FAM227B: variants seen among roughly 807,000 people sequenced by gnomAD.
FAM227B encodes family with sequence similarity 227 member B.
Under a neutral mutation model 73.8 loss-of-function variants are expected in FAM227B, and 88 were observed. The observed-to-expected ratio is 1.19, with a 90% confidence interval of 1.00 to 1.42. The LOEUF (loss-of-function observed/expected upper bound fraction) is 1.42, where lower values mean the gene tolerates loss of function less well. Among genes scored for constraint, FAM227B ranks in the 40% most tolerant of loss-of-function variants. FAM227B has a pLI of 0.00. For synonymous variants in FAM227B, 210 were observed against 190.5 expected (o/e 1.10, Z -0.84); for missense variants, 632 against 590.9 (o/e 1.07, Z -0.72).
intron 13 of FAM227B, among the ~76,000 whole-genome samples, chr15:49,355,302 A>T (rs1230872500): frequency 6.6e-6 from 1 of 152,190 alleles, no homozygotes; most frequent in Non-Finnish European, 1.5e-5. Flanking sequence ...GAGCTACGGG[A>T]GGACATTCAA....
intron 13 of FAM227B, among the ~76,000 whole-genome samples, chr15:49,350,198 A>G (rs1396090899): frequency 6.6e-6 from 1 of 152,208 alleles, no homozygotes; most frequent in Non-Finnish European, 1.5e-5. Context: ...AATGTCTGAC[A>G]TTTGCATTGT....
intron 11 of FAM227B, among the ~76,000 whole-genome samples, chr15:49,400,705 C>A (rs1293933337): frequency 6.7e-6 from 1 of 149,936 alleles, no homozygotes; most frequent in African/African-American, 2.5e-5. Context: ...CACATATCTA[C>A]AACCATCTGA....
intron 11 of FAM227B, chr15:49,484,606 C>G (rs1330207256): frequency 3.7e-6 from 2 of 544,534 alleles, no homozygotes; most frequent in African/African-American, 4.0e-5. Context: ...TTTTAGTAAT[C>G]AAGAAAGGCT....
At chr15:49,350,400 A>T (rs1399112473) in intron 13 of FAM227B, among the ~76,000 whole-genome samples, 1 of 152,158 alleles carries the variant, frequency 6.6e-6, no homozygotes, top group Admixed American at 6.5e-5. Flanking sequence ...TATTTCTTTA[A>T]ATTTTGCTCT....
chr15:49,425,404 A>G (rs1172722131), intron 11 of FAM227B: 2 of 152,084 alleles, frequency 1.3e-5, no homozygotes, highest in Non-Finnish European at 2.9e-5. Flanking sequence ...TGAATAACCA[A>G]CTTCAATAGT....
intron 10 of FAM227B, among the ~76,000 whole-genome samples, chr15:49,528,136 T>C (rs190990508): frequency 9.2e-5 from 14 of 151,960 alleles, no homozygotes; most frequent in Admixed American, 4.6e-4. Flanking sequence ...AATAACATAG[T>C]GCTGGTACAA....
chr15:49,430,163 T>C (rs142155726), intron 11 of FAM227B, among the ~76,000 whole-genome samples: 58 of 152,056 alleles, frequency 3.8e-4, no homozygotes, highest in African/African-American at 1.3e-3. Flanking sequence ...ATGTACGTGA[T>C]GATAGCTCTG....
intron 14 of FAM227B, among the ~76,000 whole-genome samples, chr15:49,333,032 C>T (rs2039073764): frequency 6.6e-6 from 1 of 152,152 alleles, no homozygotes; most frequent in African/African-American, 2.4e-5. Flanking sequence ...CTCAGTAACA[C>T]CTTCTTAGAA....
At chr15:49,350,360 A>G (rs59149083) in intron 13 of FAM227B, among the ~76,000 whole-genome samples, 1,874 of 152,304 alleles carry the variant, frequency 0.012, 36 homozygotes, top group African/African-American at 0.043. Flanking sequence ...ATGATGACAA[A>G]CATCATAAAT....
At chr15:49,490,708 T>C (rs1001901262) in intron 11 of FAM227B, among the ~76,000 whole-genome samples, 4 of 151,986 alleles carry the variant, frequency 2.6e-5, no homozygotes, top group Admixed American at 6.6e-5. Flanking sequence ...ATGACGAATG[T>C]ACCTTTTTAT....
chr15:49,518,105 T>G (rs942729085), intron 10 of FAM227B, among the ~76,000 whole-genome samples: 7 of 152,196 alleles, frequency 4.6e-5, no homozygotes, highest in African/African-American at 1.7e-4. Context: ...TTTTGCTCTT[T>G]TTTCCGTGTA....
At chr15:49,594,187 C>T (rs1371086306) in intron 3 of FAM227B, among the ~76,000 whole-genome samples, 1 of 152,080 alleles carries the variant, frequency 6.6e-6, no homozygotes, top group Non-Finnish European at 1.5e-5. Context: ...TGATGTTGAG[C>T]ATTTTTTTCA....
intron 11 of FAM227B, among the ~76,000 whole-genome samples, chr15:49,422,140 G>GA (rs2049705455): frequency 7.0e-6 from 1 of 142,058 alleles, no homozygotes; most frequent in Non-Finnish European, 1.6e-5. Context: ...GAGAGAGAGA[G>GA]AGAGAGTGTG....
chr15:49,332,632 G>A (rs886851792), intron 14 of FAM227B, among the ~76,000 whole-genome samples: 3 of 151,870 alleles, frequency 2.0e-5, no homozygotes, highest in East Asian at 1.9e-4. Context: ...GAAGAGAAAC[G>A]GAATAAAGGA....
chr15:49,582,219 C>T lies in FAM227B; in HGVS notation c.406-4555G>A, dbSNP rs147822204. On this transcript the variant is annotated intron_variant, in intron 5 of 15. Coordinates refer to ENST00000299338, the MANE Select transcript of FAM227B (RefSeq NM_152647.3). ...GATAAAGAACCAAGATCCACTAGTA[C>T]GCTATCTTCAAGAGACCCATCTTGT... Among the ~76,000 whole-genome samples the T allele has an allele frequency of 4.7e-4, 71 of 152,232 alleles. 1 individual carries two copies. Among genetic ancestry groups the T allele is most frequent in the African/African-American group, 1.6e-3 (67 of 41,544 alleles).
intron 10 of FAM227B, among the ~76,000 whole-genome samples, chr15:49,539,772 C>T (rs2070795317): frequency 6.6e-6 from 1 of 152,154 alleles, no homozygotes. Context: ...GCAGCAGTGG[C>T]TCTGGTGTCC....
intron 11 of FAM227B, among the ~76,000 whole-genome samples, chr15:49,416,769 A>G (rs2049240118): frequency 2.1e-5 from 2 of 95,040 alleles, no homozygotes; most frequent in Non-Finnish European, 4.5e-5. Context: ...CCACACACAC[A>G]TAGACACACA....
chr15:49,591,043 T>TTG (rs2076514303), intron 3 of FAM227B, among the ~76,000 whole-genome samples: 1 of 118,360 alleles, frequency 8.4e-6, no homozygotes, highest in African/African-American at 3.2e-5. Context: ...TTTTTTTTTT[T>TTG]GATTTTTTTT....
chr15:49,618,535 G>A (rs2078443983), intron 1 of FAM227B, among the ~76,000 whole-genome samples: 1 of 152,210 alleles, frequency 6.6e-6, no homozygotes, highest in African/African-American at 2.4e-5. Context: ...TGTGCCTTGG[G>A]GTTGAATGAC....
Sources: allele counts gnomAD v4.1 joint callset (sites outside exome capture counted in the v4.1 genomes callset), GRCh38; gene constraint gnomAD v4.1.1; transcripts MANE v1.5; gene names NCBI Gene and HGNC (gene_info 2026-07-23, HGNC 2026-07-21).